The following FRMD6 variants were observed in gnomAD, a reference collection of about 807,000 sequenced individuals.
FRMD6 encodes FERM domain containing 6.
Under a neutral mutation model 73.2 loss-of-function variants are expected in FRMD6, and 37 were observed. The observed-to-expected ratio is 0.51, with a 90% CI of 0.39 to 0.66. FRMD6 has a LOEUF of 0.66. FRMD6 is among the 30% of genes least tolerant of loss of function. FRMD6 has a pLI of 0.00. For missense variants in FRMD6, 714 were observed against 780.5 expected, an observed-to-expected ratio of 0.91 and a Z score of 1.02; for synonymous variants, 273 against 282.2, an observed-to-expected ratio of 0.97 and a Z score of 0.33.
intron 1 of FRMD6, among the ~76,000 whole-genome samples, chr14:51,659,529 C>T (rs1025672252): frequency 2.0e-5 from 3 of 152,212 alleles, no homozygotes; most frequent in African/African-American, 7.2e-5. Flanking sequence ...AGCAGCTGGC[C>T]TGTTGCACTG....
At chr14:51,520,843 G>A (rs989662776) in intron 1 of FRMD6, among the ~76,000 whole-genome samples, 1 of 152,114 alleles carries the variant, frequency 6.6e-6, no homozygotes, top group Non-Finnish European at 1.5e-5. Context: ...TGAGGAGGTC[G>A]AGGCTGCAGT....
chr14:51,443,942 A>ATT, the FRMD6 span, among the ~76,000 whole-genome samples: 4 of 48,214 alleles, frequency 8.3e-5, no homozygotes, highest in Non-Finnish European at 1.6e-4. Context: ...GCAAGTTGTG[A>ATT]GTTTTTTTTT....
At chr14:51,639,292 G>A (rs1273567033) in intron 2 of FRMD6, among the ~76,000 whole-genome samples, 1 of 151,924 alleles carries the variant, frequency 6.6e-6, no homozygotes, top group Non-Finnish European at 1.5e-5. Context: ...AAAATTAGCC[G>A]GGCGTCGTGG....
intron 2 of FRMD6, among the ~76,000 whole-genome samples, chr14:51,581,832 T>A (rs1195588903): frequency 6.6e-6 from 1 of 152,198 alleles, no homozygotes; most frequent in East Asian, 1.9e-4. Context: ...CCTACCCGCA[T>A]TAAATGTATG....
chr14:51,570,539 C>T (rs1308676548), intron 2 of FRMD6: 2 of 152,186 alleles, frequency 1.3e-5, no homozygotes, highest in Non-Finnish European at 2.9e-5. Context: ...CAAATAAGAT[C>T]TCCAATCGTG....
chr14:51,628,364 A>G lies in FRMD6; in HGVS notation c.-147+57954A>G, dbSNP rs1891192732. On this transcript the variant is annotated intron_variant, in intron 2 of 14. Coordinates refer to the FRMD6 transcript ENST00000356218. The stretch of plus-strand genomic sequence containing the variant: ...TACATGTATAATTTAATGACTTTTT[A>G]GTACCCTTTTAGAGTTGTGTAATGA... Among the ~76,000 whole-genome samples, 3 of 152,294 alleles carry G rather than the reference A, an allele frequency of 2.0e-5. No homozygotes were observed. The East Asian group carries it at 5.8e-4, about 29-fold the overall frequency.
At chr14:51,650,805 G>A (rs1317274590), upstream of FRMD6, 1 of 152,092 alleles carries the variant, frequency 6.6e-6, no homozygotes, top group African/African-American at 2.4e-5. Flanking sequence ...ATAAACCCCG[G>A]CACTCCTTTA....
chr14:51,559,798 C>T (rs1887376434), intron 1 of FRMD6, among the ~76,000 whole-genome samples: 2 of 152,144 alleles, frequency 1.3e-5, no homozygotes, highest in South Asian at 2.1e-4. Flanking sequence ...CTATCCCCTT[C>T]CCTGAGCCTG....
Position 51,549,599 on chromosome 14 carries a change from T to C in FRMD6, c.-209-20749T>C, listed in dbSNP as rs796891876. ...GTATAAACTTTTTTTTTCTTTCTTTTTTTTTTTTTTTTTTTTGAGACAGAG... is the reference window on the plus strand; with the variant it reads ...GTATAAACTTTTTTTTTCTTTCTTTCTTTTTTTTTTTTTTTTGAGACAGAG... On this transcript the variant is annotated intron_variant, in intron 1 of 14. Coordinates refer to the FRMD6 transcript ENST00000356218. Among the ~76,000 whole-genome samples, 278 of 124,072 alleles carry C rather than the reference T, an allele frequency of 2.2e-3. 4 individuals carry two copies. Among genetic ancestry groups the C allele is most frequent in the African/African-American group, 8.2e-3 (251 of 30,596 alleles). The allele number at this position is 124,072 out of a possible 152,430, so 81.4% of individuals were successfully genotyped here.
At chr14:51,611,890 T>C (rs548593380) in intron 2 of FRMD6, among the ~76,000 whole-genome samples, 63 of 151,966 alleles carry the variant, frequency 4.1e-4, no homozygotes, top group Non-Finnish European at 8.4e-4. Context: ...TATATAGCGA[T>C]AATGGGGGAA....
intron 1 of FRMD6, among the ~76,000 whole-genome samples, chr14:51,665,876 C>G (rs185219949): frequency 6.6e-6 from 1 of 152,154 alleles, no homozygotes; most frequent in Non-Finnish European, 1.5e-5. Flanking sequence ...TCTCGTCTGC[C>G]GCCATATGAG....
At chr14:51,486,130 G>A (rs1236566931), upstream of FRMD6, among the ~76,000 whole-genome samples, 2 of 151,846 alleles carry the variant, frequency 1.3e-5, no homozygotes, top group Non-Finnish European at 2.9e-5. Context: ...CGCCTCCCGG[G>A]TTCACGTCAT....
At chr14:51,723,969 CTATT>C (rs1897793757) in intron 12 of FRMD6, 3 of 151,952 alleles carry the variant, frequency 2.0e-5, no homozygotes, top group Admixed American at 6.6e-5. Flanking sequence ...AAACGTAAAA[CTATT>C]AATAGCCTTT....
Position 51,720,217 on chromosome 14 carries a change from G to A in FRMD6, c.1187G>A (p.Gly396Asp). ...AGCCACAGCAGTTCCCACACCTCGG[G>A]CATTGAGGCAGACACCAAGCCCCGG... ...TASHSSSHTS[G>D]IEADTKPRDT... The change falls in exon 11 of 14, where the codon GGC becomes GAC. Residue 396 changes from glycine to aspartate, a missense_variant. Physicochemically the swap from Gly to Asp is moderately conservative, Grantham distance 94. Transcript: ENST00000344768. 6.2e-7 allele frequency: 1 copy of A among 1,614,018 alleles called. No individual in the cohort carries two copies. The highest frequency in any genetic ancestry group is 8.5e-7 in the Non-Finnish European group (1 of 1,179,972).
chr14:51,560,495 G>GT (rs1209863457), intron 1 of FRMD6, among the ~76,000 whole-genome samples: 1 of 152,006 alleles, frequency 6.6e-6, no homozygotes, highest in Non-Finnish European at 1.5e-5. Context: ...TTGTTTGTCT[G>GT]TTTTTTGAGA....
chr14:51,428,145 G>A, the FRMD6 span, among the ~76,000 whole-genome samples: 1 of 152,144 alleles, frequency 6.6e-6, no homozygotes, highest in East Asian at 1.9e-4. Flanking sequence ...AACTTTTCAA[G>A]TGAGTATTTT....
intron 2 of FRMD6, among the ~76,000 whole-genome samples, chr14:51,599,290 T>C (rs1889900796): frequency 1.3e-5 from 2 of 152,072 alleles, no homozygotes; most frequent in Admixed American, 6.6e-5. Context: ...GCTATCCATA[T>C]GCAGAAGAAT....
intron 7 of FRMD6, among the ~76,000 whole-genome samples, chr14:51,710,489 T>A (rs1371606107): frequency 2.0e-5 from 3 of 152,162 alleles, no homozygotes; most frequent in Non-Finnish European, 2.9e-5. Context: ...TGACCAAAAC[T>A]CATATAATGA....
At chr14:51,435,671 G>A in the FRMD6 span, among the ~76,000 whole-genome samples, 1 of 152,086 alleles carries the variant, frequency 6.6e-6, no homozygotes, top group Non-Finnish European at 1.5e-5. Flanking sequence ...GATAAGGAAA[G>A]GATTTTTTAA....
Sources: allele counts gnomAD v4.1 joint callset (sites outside exome capture counted in the v4.1 genomes callset), GRCh38; gene constraint gnomAD v4.1.1; transcripts MANE v1.5; gene names NCBI Gene and HGNC (gene_info 2026-07-23, HGNC 2026-07-21).